The following RB1 variants were observed in gnomAD, a reference collection of about 807,000 sequenced individuals.
RB1 encodes the protein retinoblastoma-associated protein.
A neutral mutation model predicts 135.4 loss-of-function variants in RB1; 18 were observed. The ratio of observed to expected loss-of-function variants is 0.13; its 90% CI spans 0.09 to 0.20. The LOEUF (loss-of-function observed/expected upper bound fraction) is 0.20. RB1 is among the 10% of genes least tolerant of loss of function. The probability of loss-of-function intolerance (pLI) is 1.00; values close to 1 mark genes in which losing one functional copy is unlikely to be tolerated. For missense variants in RB1, 868 were observed against 1,110.0 expected (o/e 0.78, Z 3.10); for synonymous variants, 365 against 373.2 (o/e 0.98, Z 0.25).
intron 19 of RB1, among the ~76,000 whole-genome samples, chr13:48,458,199 T>A (rs944649290): frequency 6.6e-6 from 1 of 152,212 alleles, no homozygotes; most frequent in East Asian, 1.9e-4. Context: ...CATACAAAAG[T>A]AGTGTGTTGT....
chr13:48,333,025 C>G (rs1323769490), intron 2 of RB1: 1 of 398,270 alleles, frequency 2.5e-6, no homozygotes, highest in Non-Finnish European at 4.4e-6. Flanking sequence ...AGGTACTCCG[C>G]TCACCTGTTT....
At chr13:48,424,890 T>C (rs1949057757) in intron 17 of RB1, among the ~76,000 whole-genome samples, 1 of 151,872 alleles carries the variant, frequency 6.6e-6, no homozygotes, top group Non-Finnish European at 1.5e-5. Context: ...CTGTCTCTAC[T>C]AAAAATACAA....
intron 2 of RB1, among the ~76,000 whole-genome samples, chr13:48,339,858 T>A (rs1375107594): frequency 6.6e-6 from 1 of 152,166 alleles, no homozygotes; most frequent in Non-Finnish European, 1.5e-5. Context: ...TCCAATGACT[T>A]TTTTAGATTG....
intron 1 of RB1, 50 bp downstream of exon 1, chr13:48,304,099 G>T: frequency 7.3e-7 from 1 of 1,365,604 alleles, no homozygotes; most frequent in South Asian, 1.7e-5. Flanking sequence ...CGCCCCGGGT[G>T]TGCGTAGGGC....
intron 21 of RB1, 115 bp downstream of exon 21, chr13:48,463,950 A>G (rs1949420962): frequency 3.2e-6 from 2 of 633,520 alleles, no homozygotes; most frequent in African/African-American, 3.7e-5. Context: ...GTCTGACCTT[A>G]TTATGTAAAT....
chr13:48,434,912 G>C (rs1949167721), intron 17 of RB1, among the ~76,000 whole-genome samples: 1 of 151,964 alleles, frequency 6.6e-6, no homozygotes, highest in African/African-American at 2.4e-5. Flanking sequence ...CCTTTTTATT[G>C]CTGACTAGTA....
chr13:48,303,752 G>A lies in RB1; in HGVS notation c.-161G>A. The A allele has an allele frequency of 1.7e-6, 2 of 1,171,270 alleles. No individual in the cohort carries two copies. Among genetic ancestry groups the A allele is most frequent in the Non-Finnish European group, 1.1e-6 (1 of 872,402 alleles). 72.6% of individuals were successfully genotyped at this position (1,171,270 alleles called of 1,614,324 possible). A position where few individuals can be genotyped will look rare whatever the true frequency, so the allele number is the denominator to read the frequency against. On this transcript the variant is annotated 5_prime_UTR_variant, in exon 1 of 27. Transcript: ENST00000267163. ...TTCCCGCGGTTGGACGCGGCGCTCA[G>A]TTGCCGGGCGGGGGAGGGCGCGTCC...
chr13:48,476,994 A>G, intron 25 of RB1, 151 bp downstream of exon 25: 1 of 1,001,590 alleles, frequency 1.0e-6, no homozygotes, highest in Non-Finnish European at 1.5e-6. Context: ...ATATGAGTGT[A>G]GTGCAAAGTT....
At chr13:48,439,658 T>G (rs1949217230) in intron 17 of RB1, 1 of 152,148 alleles carries the variant, frequency 6.6e-6, no homozygotes. Flanking sequence ...ACAAAAGTCT[T>G]CTGTCAGCTA....
chr13:48,305,407 G>C (rs926128236), intron 1 of RB1, among the ~76,000 whole-genome samples: 2 of 152,188 alleles, frequency 1.3e-5, no homozygotes, highest in African/African-American at 4.8e-5. Context: ...GGCATGTTCT[G>C]GGAAAAGACA....
At chr13:48,379,881 A>T (rs3092893) in intron 14 of RB1, among the ~76,000 whole-genome samples, 172 bp from the exon 15 acceptor site, 2,868 of 150,424 alleles carry the variant, frequency 0.019, 43 homozygotes, top group Middle Eastern at 0.051. Flanking sequence ...AATCCCTTGA[A>T]CCAGGGAGGT....
intron 11 of RB1, among the ~76,000 whole-genome samples, chr13:48,369,748 C>A (rs1952738805): frequency 6.6e-6 from 1 of 152,180 alleles, no homozygotes; most frequent in Non-Finnish European, 1.5e-5. Context: ...CCAACTGCTA[C>A]TCTTCATTCA....
intron 21 of RB1, among the ~76,000 whole-genome samples, chr13:48,464,540 C>T (rs1392874710): frequency 1.3e-5 from 2 of 152,142 alleles, no homozygotes; most frequent in Non-Finnish European, 1.5e-5. Flanking sequence ...CTTGCAATTG[C>T]GTAATGTATA....
chr13:48,344,674 G>A (rs1485050999), intron 3 of RB1, among the ~76,000 whole-genome samples: 2 of 152,106 alleles, frequency 1.3e-5, no homozygotes, highest in African/African-American at 2.4e-5. Context: ...GTAAACTGAG[G>A]ATGAATGGGT....
At chr13:48,361,152 A>C (rs756483488) in intron 7 of RB1, among the ~76,000 whole-genome samples, 22 of 152,146 alleles carry the variant, frequency 1.4e-4, no homozygotes, top group Non-Finnish European at 2.9e-5. Context: ...AATTTCCTTT[A>C]TATACCCTTT....
At chr13:48,338,961 A>G (rs1199969493) in intron 2 of RB1, among the ~76,000 whole-genome samples, 1 of 152,186 alleles carries the variant, frequency 6.6e-6, no homozygotes, top group Non-Finnish European at 1.5e-5. Flanking sequence ...TTGCCTGGGT[A>G]TCAGCAGTGG....
chr13:48,472,037 C>T lies in RB1; in HGVS notation c.2490-1323C>T, dbSNP rs55926808. The stretch of plus-strand genomic sequence containing the variant: ...CAAATCATTATATTATCTTCCACAT[C>T]CAACCACAAGTGCTCTCTAGCTTTG... On this transcript the variant is annotated intron_variant, in intron 23 of 26. Coordinates refer to ENST00000267163, the MANE Select transcript of RB1 (RefSeq NM_000321.3). Among the ~76,000 whole-genome samples the T allele has an allele frequency of 0.011, 1,668 of 152,258 alleles. 28 individuals carry two copies. Among genetic ancestry groups the T allele is most frequent in the African/African-American group, 0.037 (1,548 of 41,526 alleles).
At chr13:48,393,399 T>A (rs1948625354) in intron 17 of RB1, among the ~76,000 whole-genome samples, 1 of 152,208 alleles carries the variant, frequency 6.6e-6, no homozygotes, top group Non-Finnish European at 1.5e-5. Context: ...CCATAAACTG[T>A]CCCCAGGCAG....
chr13:48,354,208 A>G lies in RB1; in HGVS notation c.607+5185A>G, dbSNP rs549213474. Among the ~76,000 whole-genome samples, 6 of 152,270 alleles carry G rather than the reference A, an allele frequency of 3.9e-5. No individual in the cohort carries two copies. In the South Asian group the frequency reaches 1.0e-3, roughly 26 times the overall value. On this transcript the variant is annotated intron_variant, in intron 6 of 26. Transcript: ENST00000267163. ...AACCTAAAGACTCCACAAGAAAACT[A>G]TTAGAACTAATAAACATGTTCAGTA... is the stretch of plus-strand genomic sequence containing the variant.
Sources: gnomAD v4.1 joint callset for allele counts (sites outside exome capture counted in the v4.1 genomes callset) on GRCh38, gnomAD v4.1.1 for gene constraint, MANE v1.5 for transcripts, NCBI Gene and HGNC (gene_info 2026-07-23, HGNC 2026-07-21) for gene names.